The following CLNK variants were observed in gnomAD, a reference collection of about 807,000 sequenced individuals.
The protein encoded by CLNK is cytokine-dependent hematopoietic cell linker.
Under a neutral mutation model 68.6 loss-of-function variants are expected in CLNK, and 74 were observed. That is an observed-to-expected ratio of 1.08 (90% CI 0.89 to 1.31). CLNK has a LOEUF of 1.31. CLNK is among the 50% of genes most tolerant of loss of function. The pLI is 0.00. For synonymous variants in CLNK, 198 were observed against 172.2 expected (o/e 1.15, Z -1.17); for missense variants, 553 against 515.3 (o/e 1.07, Z -0.71).
At chr4:10,709,686 G>T in the CLNK span, among the ~76,000 whole-genome samples, 1 of 152,144 alleles carries the variant, frequency 6.6e-6, no homozygotes, top group Non-Finnish European at 1.5e-5. Flanking sequence ...GTGGCGGAAA[G>T]GATGCTATGC....
chr4:10,632,551 C>T (rs1722932332), intron 2 of CLNK, among the ~76,000 whole-genome samples: 1 of 152,228 alleles, frequency 6.6e-6, no homozygotes, highest in Non-Finnish European at 1.5e-5. Flanking sequence ...GCCACAAGGG[C>T]AGGGTCATCT....
intron 8 of CLNK, among the ~76,000 whole-genome samples, chr4:10,556,270 C>G (rs1027076051): frequency 6.6e-6 from 1 of 152,202 alleles, no homozygotes; most frequent in African/African-American, 2.4e-5. Context: ...TCCCTTTTTG[C>G]TTAGACTACC....
the CLNK span, among the ~76,000 whole-genome samples, chr4:10,707,061 G>T: frequency 0.011 from 1,662 of 152,220 alleles, 23 homozygotes; most frequent in African/African-American, 0.03. Context: ...GATTACAGGG[G>T]TGAGCCATCG....
chr4:10,601,180 G>T (rs1318275814), intron 2 of CLNK, among the ~76,000 whole-genome samples: 1 of 152,126 alleles, frequency 6.6e-6, no homozygotes, highest in East Asian at 1.9e-4. Context: ...GCTAGTTGGG[G>T]GTAGAACCAG....
chr4:10,633,371 T>C (rs1722961704), intron 2 of CLNK, among the ~76,000 whole-genome samples: 1 of 152,258 alleles, frequency 6.6e-6, no homozygotes, highest in Non-Finnish European at 1.5e-5. Flanking sequence ...ATCAGCTTTG[T>C]TGCGACTGAT....
intron 7 of CLNK, among the ~76,000 whole-genome samples, chr4:10,561,211 C>A (rs961513733): frequency 6.6e-6 from 1 of 152,162 alleles, no homozygotes; most frequent in East Asian, 1.9e-4. Flanking sequence ...AAAACTCCCT[C>A]TTCATCTGAA....
intron 3 of CLNK, among the ~76,000 whole-genome samples, chr4:10,585,479 C>G (rs1301507108): frequency 2.0e-5 from 3 of 152,198 alleles, no homozygotes. Flanking sequence ...GTTTCTGTAC[C>G]TCACTTCCAT....
rs112915453 is a variant in CLNK at position 10,497,534 on chromosome 4, C to T, written c.1140+3722G>A. Among the ~76,000 whole-genome samples the T allele has an allele frequency of 1.6e-3, 239 of 152,292 alleles. 2 individuals carry two copies. The highest frequency in any genetic ancestry group is 9.5e-3 in the South Asian group (46 of 4,830). ...GTAATTAGAGCAGCTCATCTGGAGGCGGAGGGTCTAATCTATGGCCTGCCA... is the reference window on the plus strand; with the variant it reads ...GTAATTAGAGCAGCTCATCTGGAGGTGGAGGGTCTAATCTATGGCCTGCCA... On this transcript the variant is annotated intron_variant, in intron 18 of 18. Transcript: ENST00000226951.
intron 12 of CLNK, among the ~76,000 whole-genome samples, chr4:10,531,988 C>T (rs967075533): frequency 6.6e-6 from 1 of 152,198 alleles, no homozygotes; most frequent in Non-Finnish European, 1.5e-5. Context: ...TACTGTATAT[C>T]TTCCATGTGG....
At chr4:10,543,038 C>T (rs11723685) in intron 8 of CLNK, among the ~76,000 whole-genome samples, 1 of 152,146 alleles carries the variant, frequency 6.6e-6, no homozygotes, top group Non-Finnish European at 1.5e-5. Context: ...TCCTTCCTGT[C>T]AAGGTGCTCC....
chr4:10,618,646 G>T (rs1014829819), intron 2 of CLNK, among the ~76,000 whole-genome samples: 1 of 152,246 alleles, frequency 6.6e-6, no homozygotes, highest in Non-Finnish European at 1.5e-5. Context: ...AAGCATAGCT[G>T]CTTCTGCTTC....
At chr4:10,694,991 G>A in the CLNK span, among the ~76,000 whole-genome samples, 4,848 of 152,258 alleles carry the variant, frequency 0.032, 242 homozygotes, top group African/African-American at 0.11. Context: ...ATGAACTCAC[G>A]GAAGTAGAGA....
At chr4:10,691,309 A>C in the CLNK span, among the ~76,000 whole-genome samples, 1 of 152,286 alleles carries the variant, frequency 6.6e-6, no homozygotes, top group South Asian at 2.1e-4. Flanking sequence ...CTTGGAATCC[A>C]TTGCAATACT....
chr4:10,508,099 T>TCAA, intron 16 of CLNK, 63 bp from the exon 17 acceptor site: 4 of 1,304,672 alleles, frequency 3.1e-6, no homozygotes, highest in African/African-American at 1.5e-5. Context: ...TATTGATTAA[T>TCAA]TAATTCAAAA....
chr4:10,694,338 C>G, the CLNK span, among the ~76,000 whole-genome samples: 6 of 151,988 alleles, frequency 3.9e-5, no homozygotes, highest in Non-Finnish European at 8.8e-5. Context: ...CACTCACACA[C>G]AGTGGCTGGG....
chr4:10,633,204 C>T (rs527297141), intron 2 of CLNK, among the ~76,000 whole-genome samples: 1 of 152,320 alleles, frequency 6.6e-6, no homozygotes, highest in East Asian at 1.9e-4. Flanking sequence ...TCCCAAAGTG[C>T]TGGGATTACG....
chr4:10,687,568 C>T (rs187434151), upstream of CLNK, among the ~76,000 whole-genome samples: 29 of 152,058 alleles, frequency 1.9e-4, no homozygotes, highest in African/African-American at 5.8e-4. Flanking sequence ...AGGAGGTGTC[C>T]GGGATCACAT....
At chr4:10,642,568 C>T (rs1723350071) in intron 2 of CLNK, among the ~76,000 whole-genome samples, 1 of 152,118 alleles carries the variant, frequency 6.6e-6, no homozygotes, top group Non-Finnish European at 1.5e-5. Context: ...GAAAGAAAAA[C>T]CTGGTCATCT....
intron 4 of CLNK, among the ~76,000 whole-genome samples, chr4:10,578,147 C>G (rs1232508263): frequency 6.6e-6 from 1 of 152,220 alleles, no homozygotes; most frequent in Non-Finnish European, 1.5e-5. Context: ...CAGAGGATAA[C>G]TTCTTGGCTC....
Sources: allele counts gnomAD v4.1 joint callset (sites outside exome capture counted in the v4.1 genomes callset), GRCh38; gene constraint gnomAD v4.1.1; transcripts MANE v1.5; gene names NCBI Gene and HGNC (gene_info 2026-07-23, HGNC 2026-07-21).